Variants in RAVER2 observed in about 807,000 individuals in gnomAD.
RAVER2 encodes the protein ribonucleoprotein, PTB binding 2.
A neutral mutation model predicts 78.1 loss-of-function variants in RAVER2; 46 were observed. The observed-to-expected ratio is 0.59, with a 90% CI of 0.46 to 0.75. The LOEUF (loss-of-function observed/expected upper bound fraction) is 0.75, where lower values mean the gene tolerates loss of function less well. Among genes scored for constraint, RAVER2 ranks in the 30% least tolerant of loss-of-function variants. RAVER2 has a pLI of 0.00. For missense variants in RAVER2, 793 were observed against 837.5 expected, an observed-to-expected ratio of 0.95 and a Z score of 0.66; for synonymous variants, 311 against 313.3, an observed-to-expected ratio of 0.99 and a Z score of 0.08.
chr1:64,794,411 A>C (rs951498226), intron 5 of RAVER2, among the ~76,000 whole-genome samples: 15 of 150,846 alleles, frequency 9.9e-5, no homozygotes, highest in East Asian at 9.8e-4. Context: ...AAAAAAAAAA[A>C]AAAAAACTGC....
chr1:64,781,924 A>T (rs1245597319), intron 4 of RAVER2, among the ~76,000 whole-genome samples: 1 of 151,702 alleles, frequency 6.6e-6, no homozygotes, highest in African/African-American at 2.4e-5. Context: ...TAAATTTTGA[A>T]ATGGAGTTTC....
intron 9 of RAVER2, 77 bp downstream of exon 9, chr1:64,807,551 A>C: frequency 7.5e-7 from 1 of 1,335,138 alleles, no homozygotes; most frequent in Non-Finnish European, 9.9e-7. Context: ...TATGTCTTAA[A>C]TTGTCGTGTC....
chr1:64,746,863 C>A (rs893849886), intron 1 of RAVER2, among the ~76,000 whole-genome samples: 1 of 152,100 alleles, frequency 6.6e-6, no homozygotes, highest in African/African-American at 2.4e-5. Context: ...TTGGAAGAAG[C>A]AGATGGCATT....
chr1:64,809,548 C>T (rs1653547782), intron 9 of RAVER2, among the ~76,000 whole-genome samples: 1 of 150,526 alleles, frequency 6.6e-6, no homozygotes, highest in Non-Finnish European at 1.5e-5. Context: ...CCAACTCCAA[C>T]CTTTGAGAAT....
chr1:64,754,535 T>A (rs1651797096), intron 1 of RAVER2, among the ~76,000 whole-genome samples: 1 of 152,236 alleles, frequency 6.6e-6, no homozygotes, highest in Admixed American at 6.5e-5. Flanking sequence ...ACCACTCTGT[T>A]AGCTTTTTTG....
exon 3 of RAVER2, chr1:64,777,877 A>G: frequency 1.2e-6 from 2 of 1,614,132 alleles, no homozygotes; most frequent in East Asian, 2.2e-5. Flanking sequence ...TGTGGAATAC[A>G]TGAAAAAGGA....
At chr1:64,757,384 G>A (rs1651883973) in intron 1 of RAVER2, among the ~76,000 whole-genome samples, 1 of 152,186 alleles carries the variant, frequency 6.6e-6, no homozygotes, top group South Asian at 2.1e-4. Context: ...GGTCATAAGG[G>A]TGGGTTCCTG....
At chr1:64,812,775 C>T in exon 10 of RAVER2, 2 of 1,612,296 alleles carry the variant, frequency 1.2e-6, no homozygotes, top group Non-Finnish European at 1.7e-6. Context: ...TTGGGAGAAC[C>T]ACCAAAAGAA....
chr1:64,809,214 T>C (rs770916198), intron 9 of RAVER2, among the ~76,000 whole-genome samples: 9 of 152,144 alleles, frequency 5.9e-5, no homozygotes, highest in Admixed American at 2.0e-4. Context: ...AGAGAAAGTT[T>C]ATTTCACAAA....
chr1:64,787,594 C>G (rs3790528), intron 4 of RAVER2, among the ~76,000 whole-genome samples: 1 of 152,076 alleles, frequency 6.6e-6, no homozygotes, highest in African/African-American at 2.4e-5. Context: ...CTGAGAAGGT[C>G]GGGGAGGTGG....
intron 5 of RAVER2, among the ~76,000 whole-genome samples, chr1:64,797,168 AAT>A (rs749850471): frequency 4.4e-4 from 67 of 152,308 alleles, no homozygotes; most frequent in Non-Finnish European, 4.3e-4. Flanking sequence ...ACTTGAGAAG[AAT>A]ATATGTTCCG....
exon 6 of RAVER2, chr1:64,803,011 A>G: frequency 6.2e-7 from 1 of 1,610,526 alleles, no homozygotes; most frequent in Non-Finnish European, 8.5e-7. Flanking sequence ...GCCACATCTG[A>G]TGAATCCATC....
intron 1 of RAVER2, among the ~76,000 whole-genome samples, chr1:64,750,272 ATTTT>A (rs1206365290): frequency 1.3e-5 from 2 of 150,430 alleles, no homozygotes; most frequent in East Asian, 3.9e-4. Context: ...TCGTAATTAA[ATTTT>A]TTTCTGCTCT....
At chr1:64,764,844 G>A (rs1334956954) in intron 1 of RAVER2, among the ~76,000 whole-genome samples, 1 of 152,172 alleles carries the variant, frequency 6.6e-6, no homozygotes, top group East Asian at 1.9e-4. Context: ...CTGATTGGAT[G>A]AAGTCCTCCT....
chr1:64,826,030 G>A (rs1393299197), intron 11 of RAVER2, among the ~76,000 whole-genome samples: 3 of 152,206 alleles, frequency 2.0e-5, no homozygotes, highest in African/African-American at 4.8e-5. Flanking sequence ...AGATTACGGT[G>A]TTCAGTTTTT....
At chr1:64,781,197 T>C (rs926742062) in intron 3 of RAVER2, among the ~76,000 whole-genome samples, 183 bp from the exon 4 acceptor site, 22 of 152,214 alleles carry the variant, frequency 1.4e-4, no homozygotes, top group African/African-American at 5.3e-4. Context: ...GACTCCTATC[T>C]TCCTGTCTTC....
intron 11 of RAVER2, among the ~76,000 whole-genome samples, chr1:64,820,576 C>T (rs760721896): frequency 5.3e-5 from 8 of 152,178 alleles, no homozygotes; most frequent in African/African-American, 9.7e-5. Context: ...CCTCCACCCT[C>T]ATGTAGACAG....
intron 5 of RAVER2, among the ~76,000 whole-genome samples, chr1:64,798,177 G>A (rs1164418199): frequency 7.7e-6 from 1 of 130,366 alleles, no homozygotes; most frequent in African/African-American, 2.9e-5. Flanking sequence ...TGCGGTGTTT[G>A]GTTTTTTGTT....
At chr1:64,753,252 G>T (rs1651748538) in intron 1 of RAVER2, among the ~76,000 whole-genome samples, 1 of 152,020 alleles carries the variant, frequency 6.6e-6, no homozygotes, top group African/African-American at 2.4e-5. Flanking sequence ...AGGGGATTTT[G>T]CCATGTTGCT....
Sources: allele counts gnomAD v4.1 joint callset (sites outside exome capture counted in the v4.1 genomes callset), GRCh38; gene constraint gnomAD v4.1.1; transcripts MANE v1.5; gene names NCBI Gene and HGNC (gene_info 2026-07-23, HGNC 2026-07-21).